NTMT1: variants seen among roughly 807,000 people sequenced by gnomAD.
NTMT1 encodes the protein N-terminal RCC1 methyltransferase.
NTMT1 carries 8 observed loss-of-function variants against 17.5 expected under a neutral mutation model. The observed-to-expected ratio is 0.46, with a 90% CI of 0.27 to 0.82. The LOEUF (loss-of-function observed/expected upper bound fraction) is 0.82, where lower values mean the gene tolerates loss of function less well. NTMT1 is among the 40% of genes least tolerant of loss of function. The pLI, the probability that NTMT1 is intolerant of heterozygous loss-of-function variation, is 0.15. For missense variants in NTMT1, 221 were observed against 303.5 expected, an observed-to-expected ratio of 0.73 and a Z score of 2.02; for synonymous variants, 128 against 126.8, an observed-to-expected ratio of 1.01 and a Z score of -0.06.
Position 129,620,163 on chromosome 9 carries a change from A to T in NTMT1, c.-55+10985A>T. The T allele has an allele frequency of 3.4e-6, 5 of 1,461,930 alleles. No individual in the cohort carries two copies. The highest frequency in any genetic ancestry group is 4.5e-6 in the Non-Finnish European group (5 of 1,102,764). The allele number at this position is 1,461,930 out of a possible 1,614,324, so 90.6% of individuals were successfully genotyped here. ...AGCTCTCCTAGGAAGGCGCCCAAGA[A>T]GTCGGGGTCCTCCCTGGCCACGCGC... is the stretch of plus-strand genomic sequence containing the variant. On this transcript the variant is annotated intron_variant, in intron 1 of 3. Transcript: ENST00000372486. The surrounding 1 kb of genome is among the most constrained non-coding windows in gnomAD (Gnocchi z 5.8).
intron 3 of NTMT1, 136 bp from the exon 4 acceptor site, chr9:129,635,072 A>G: frequency 1.0e-6 from 1 of 996,258 alleles, no homozygotes; most frequent in South Asian, 1.6e-5. Context: ...CTCGGGACTG[A>G]GAGCCAATGA....
At chr9:129,625,238 G>C (rs1366129626), upstream of NTMT1, among the ~76,000 whole-genome samples, 1 of 152,220 alleles carries the variant, frequency 6.6e-6, no homozygotes, top group Non-Finnish European at 1.5e-5. Context: ...CCTAGGGAAG[G>C]GCCACGCTTT....
chr9:129,619,834 G>A, intron 1 of NTMT1: 1 of 1,614,008 alleles, frequency 6.2e-7, no homozygotes. Flanking sequence ...GGGGATGCTG[G>A]AGCCAGGAGG....
intron 1 of NTMT1, chr9:129,615,628 C>A (rs1830335935): frequency 1.3e-6 from 2 of 1,580,224 alleles, no homozygotes; most frequent in Admixed American, 1.8e-5. Context: ...AGCCTGGGGA[C>A]CTGTGCACCG....
At chr9:129,634,486 A>G in intron 3 of NTMT1, 180 bp downstream of exon 3, 2 of 557,050 alleles carry the variant, frequency 3.6e-6, no homozygotes, top group Non-Finnish European at 5.8e-6. Context: ...GCTCGGCCTA[A>G]AAGGTAGATT....
At position 129,634,122 on chromosome 9, in the gene NTMT1, G is replaced by A; in HGVS notation, c.231G>A (p.Lys77=). ...DCGAGIGRIT[K]RLLLPLFREV... ...GAGCTGGCATTGGGAGGATCACCAA[G>A]CGGCTGCTCCTGCCGCTGTTCAGAG... Residue 77 remains lysine (K), a synonymous_variant, in exon 3 of 4, where the codon AAG becomes AAA. Transcript: ENST00000372483. The A allele has an allele frequency of 1.9e-6, 3 of 1,614,112 alleles. No individual in the cohort carries two copies. Among genetic ancestry groups the A allele is most frequent in the East Asian group, 4.5e-5 (2 of 44,882 alleles).
At chr9:129,621,075 G>C (rs765685744) in intron 1 of NTMT1, among the ~76,000 whole-genome samples, 1 of 152,242 alleles carries the variant, frequency 6.6e-6, no homozygotes, top group Admixed American at 6.5e-5. Context: ...GCCGTGAAAC[G>C]GCATCACCGC....
chr9:129,617,829 A>G (rs577093966), intron 1 of NTMT1, among the ~76,000 whole-genome samples: 1 of 152,268 alleles, frequency 6.6e-6, no homozygotes, highest in African/African-American at 2.4e-5. Context: ...AACCACAGGC[A>G]TGCACCACCA....
In NTMT1 at chr9:129,613,247, T is replaced by G. The variant is rs1039289307; in HGVS notation, c.-55+4069T>G. 3.7e-6 allele frequency: 6 copies of G among 1,606,394 alleles called. No individual in the cohort carries two copies. Among genetic ancestry groups the G allele is most frequent in the African/African-American group, 1.3e-5 (1 of 74,758 alleles). The stretch of plus-strand genomic sequence containing the variant: ...GAAAGGTAGCCCTGTGTCTTCTGGG[T>G]GGACCTGGGGGAGACAGGACCCCAT... On this transcript the variant is annotated intron_variant, in intron 1 of 3. Coordinates refer to the NTMT1 transcript ENST00000372486. The surrounding 1 kb of genome is among the most constrained non-coding windows in gnomAD (Gnocchi z 6.2).
upstream of NTMT1, among the ~76,000 whole-genome samples, chr9:129,621,385 G>A (rs867274888): frequency 1.3e-5 from 2 of 152,128 alleles, no homozygotes; most frequent in Non-Finnish European, 2.9e-5. Flanking sequence ...CTAAGACGGG[G>A]TCCTGCTGTC....
rs1830169356 is a variant in NTMT1, at chr9:129,613,143, G to A, written c.-55+3965G>A. The A allele has an allele frequency of 1.2e-6, 2 of 1,613,886 alleles. No homozygotes were observed. The highest frequency in any genetic ancestry group is 2.2e-5 in the East Asian group (1 of 44,880). ...TTCTGTGCGGGTCCAAGAAGGCTCG[G>A]AGGCTGCTTCGCGGCCTCTGAGCAG... On this transcript the variant is annotated intron_variant, in intron 1 of 3. Coordinates refer to the NTMT1 transcript ENST00000372486. The surrounding 1 kb of genome is among the most constrained non-coding windows in gnomAD (Gnocchi z 6.2).
rs1278477762 is a variant in NTMT1, at chr9:129,620,255, G to A, written c.-55+11077G>A. 11 of 1,335,050 alleles carry A rather than the reference G, an allele frequency of 8.2e-6. No individual in the cohort carries two copies. The highest frequency in any genetic ancestry group is 3.1e-5 in the African/African-American group (2 of 65,224). 82.7% of individuals were successfully genotyped at this position (1,335,050 alleles called of 1,614,324 possible). On this transcript the variant is annotated intron_variant, in intron 1 of 3. Transcript: ENST00000372486. This position sits in a 1 kb window ranked among gnomAD's most constrained non-coding sequence, Gnocchi z 5.8. ...CGCCGATTCCCGGGACGCGCCGGCC[G>A]ACAGCAGGGGAGGCGGCAGCAGGGA...
At chr9:129,629,783 C>T (rs1435223593) in intron 1 of NTMT1, among the ~76,000 whole-genome samples, 1 of 152,196 alleles carries the variant, frequency 6.6e-6, no homozygotes, top group Non-Finnish European at 1.5e-5. Context: ...AGTGAGGGGT[C>T]AGTCTGCGAG....
chr9:129,621,888 C>A (rs1018749765), upstream of NTMT1, among the ~76,000 whole-genome samples: 3 of 152,202 alleles, frequency 2.0e-5, no homozygotes, highest in African/African-American at 7.2e-5. Context: ...TCTCTACAGG[C>A]AGGCTGTAGA....
chr9:129,614,939 G>A lies in NTMT1; in HGVS notation c.-55+5761G>A, dbSNP rs1830280467. Reference sequence around the variant, plus strand: ...AGAAAAAGAAAACTCACTGGGAACTGCAAAACAGACACCATTACATCCAGG... The same window carrying A: ...AGAAAAAGAAAACTCACTGGGAACTACAAAACAGACACCATTACATCCAGG... On this transcript the variant is annotated intron_variant, in intron 1 of 3. Coordinates refer to the NTMT1 transcript ENST00000372486. The surrounding 1 kb of genome is among the most constrained non-coding windows in gnomAD (Gnocchi z 4.4). Among the ~76,000 whole-genome samples the A allele has an allele frequency of 6.6e-6, 1 of 152,098 alleles. No individual in the cohort carries two copies. Among genetic ancestry groups the A allele is most frequent in the African/African-American group, 2.4e-5 (1 of 41,436 alleles).
chr9:129,621,643 C>G (rs569731418), upstream of NTMT1, among the ~76,000 whole-genome samples: 1 of 152,352 alleles, frequency 6.6e-6, no homozygotes, highest in South Asian at 2.1e-4. Context: ...GCTGGGATCA[C>G]AGGCGTGAGT....
chr9:129,633,777 GA>G (rs1303110256), intron 2 of NTMT1: 1 of 340,874 alleles, frequency 2.9e-6, no homozygotes, highest in African/African-American at 2.1e-5. Flanking sequence ...AGGCTACAGT[GA>G]GCCATGATCC....
At chr9:129,631,513 T>C (rs1488318067) in intron 1 of NTMT1, among the ~76,000 whole-genome samples, 1 of 152,214 alleles carries the variant, frequency 6.6e-6, no homozygotes, top group Non-Finnish European at 1.5e-5. Flanking sequence ...TCTCTCCTTC[T>C]ACCGTGGCAA....
chr9:129,619,956 A>G (rs1318589679), intron 1 of NTMT1: 1 of 1,486,814 alleles, frequency 6.7e-7, no homozygotes, highest in Admixed American at 2.0e-5. Context: ...TACTCAGCTA[A>G]CATTAGCATC....
Sources: allele counts gnomAD v4.1 joint callset (sites outside exome capture counted in the v4.1 genomes callset), GRCh38; gene constraint gnomAD v4.1.1; non-coding constraint Gnocchi (gnomAD v3.1); transcripts MANE v1.5; gene names NCBI Gene and HGNC (gene_info 2026-07-23, HGNC 2026-07-21).